The following NKIRAS1 variants were observed in gnomAD, a reference collection of about 807,000 sequenced individuals.
NKIRAS1 encodes NFKB inhibitor interacting Ras like 1.
NKIRAS1 carries 16 observed loss-of-function variants against 19.8 expected under a neutral mutation model. The ratio of observed to expected loss-of-function variants is 0.81; its 90% CI spans 0.55 to 1.23. The LOEUF (loss-of-function observed/expected upper bound fraction) is 1.23, where lower values mean the gene tolerates loss of function less well. Among genes scored for constraint, NKIRAS1 ranks in the 50% most tolerant of loss-of-function variants. The pLI is 0.00. For synonymous variants in NKIRAS1, 88 were observed against 79.0 expected (o/e 1.11, Z -0.61); for missense variants, 184 against 220.0 (o/e 0.84, Z 1.04).
chr3:23,928,948 G>A (rs1487324821), intron 1 of NKIRAS1, among the ~76,000 whole-genome samples: 1 of 150,474 alleles, frequency 6.6e-6, no homozygotes, highest in Non-Finnish European at 1.5e-5. Flanking sequence ...AGTGAACCGA[G>A]ATCGTGCCAC....
At position 23,907,391 on chromosome 3, in the gene NKIRAS1, C is replaced by T. The variant is rs112100474; in HGVS notation, c.94+3420G>A. 2.3e-3 allele frequency among the ~76,000 whole-genome samples: 356 copies of T among 151,874 alleles called. 1 individual carries two copies. Among genetic ancestry groups the T allele is most frequent in the African/African-American group, 7.7e-3 (318 of 41,398 alleles). Reference sequence around the variant, plus strand: ...ATTTGGTTGTCAACTGATGGGGGGGCGGTGTTGGCACCCCTAACCCGTGCA... The same window carrying T: ...ATTTGGTTGTCAACTGATGGGGGGGTGGTGTTGGCACCCCTAACCCGTGCA... On this transcript the variant is annotated intron_variant, in intron 3 of 4. Transcript: ENST00000425478.
rs1191986717 is a variant in NKIRAS1 at position 23,891,970 on chromosome 3, A to C, written c.*1125T>G. The C allele has an allele frequency of 5.3e-5, 8 of 152,208 alleles. No homozygotes were observed. The highest frequency in any genetic ancestry group is 5.2e-4 in the Admixed American group (8 of 15,274). 9.4% of individuals were successfully genotyped at this position (152,208 alleles called of 1,614,324 possible). A position where few individuals can be genotyped will look rare whatever the true frequency, so the allele number is the denominator to read the frequency against. On this transcript the variant is annotated 3_prime_UTR_variant, in exon 5 of 5. Coordinates refer to ENST00000425478, the MANE Select transcript of NKIRAS1 (RefSeq NM_020345.4). Reference sequence around the variant, plus strand: ...ATGAATTTATGATGAGAAATTTTGAAGAATTATACTGTAGCAGCAATAGCT... The same window carrying C: ...ATGAATTTATGATGAGAAATTTTGACGAATTATACTGTAGCAGCAATAGCT...
intron 1 of NKIRAS1, among the ~76,000 whole-genome samples, chr3:23,925,379 A>C (rs1359291619): frequency 6.6e-6 from 1 of 152,184 alleles, no homozygotes; most frequent in Non-Finnish European, 1.5e-5. Context: ...CACACCTGTA[A>C]TCCTAGCACA....
Position 23,922,278 on chromosome 3 carries a change from G to C in NKIRAS1, c.-139-10828C>G, listed in dbSNP as rs1381832262. ...CAATTGGTTTCTTACAATCCCAAAA[G>C]GTGCAGTTACTAGTATTAATCCTTT... On this transcript the variant is annotated intron_variant, in intron 1 of 4. Transcript: ENST00000421515. This position sits in a 1 kb window ranked among gnomAD's most constrained non-coding sequence, Gnocchi z 4.2. 1 of 152,232 alleles carries C rather than the reference G, an allele frequency of 6.6e-6. No individual in the cohort carries two copies. The highest frequency in any genetic ancestry group is 1.5e-5 in the Non-Finnish European group (1 of 68,056). 9.4% of individuals were successfully genotyped at this position (152,232 alleles called of 1,614,324 possible). A position where few individuals can be genotyped will look rare whatever the true frequency, so the allele number is the denominator to read the frequency against.
At chr3:23,932,382 C>T (rs780463244) in intron 1 of NKIRAS1, among the ~76,000 whole-genome samples, 3 of 152,128 alleles carry the variant, frequency 2.0e-5, no homozygotes, top group African/African-American at 2.4e-5. Context: ...AAATTAATCT[C>T]GCATAAGGAC....
At chr3:23,913,309 T>C (rs1703969258) in intron 1 of NKIRAS1, among the ~76,000 whole-genome samples, 2 of 152,144 alleles carry the variant, frequency 1.3e-5, no homozygotes, top group Admixed American at 1.3e-4. Flanking sequence ...ATTTTAAGCA[T>C]TTTTTGGAAG....
chr3:23,890,343 T>C lies in NKIRAS1; in HGVS notation c.*2752A>G, dbSNP rs1441812847. Among the ~76,000 whole-genome samples, 1 of 152,228 alleles carries C rather than the reference T, an allele frequency of 6.6e-6. No individual in the cohort carries two copies. Among genetic ancestry groups the C allele is most frequent in the African/African-American group, 2.4e-5 (1 of 41,458 alleles). ...TCCCTCTTCCCCCAACGTTATGTTTTTTTGAAATTTTGATGGAAAAATATC... is the reference window on the plus strand; with the variant it reads ...TCCCTCTTCCCCCAACGTTATGTTTCTTTGAAATTTTGATGGAAAAATATC... On this transcript the variant is annotated 3_prime_UTR_variant, in exon 5 of 5. Coordinates refer to ENST00000425478, the MANE Select transcript of NKIRAS1 (RefSeq NM_020345.4).
chr3:23,895,902 A>G (rs911889812), intron 4 of NKIRAS1, among the ~76,000 whole-genome samples: 1 of 152,014 alleles, frequency 6.6e-6, no homozygotes, highest in African/African-American at 2.4e-5. Context: ...TGGGAGGTGG[A>G]GGTGGGTGGA....
intron 3 of NKIRAS1, 85 bp from the exon 4 acceptor site, chr3:23,901,134 C>G: frequency 7.2e-7 from 1 of 1,386,970 alleles, no homozygotes; most frequent in South Asian, 1.4e-5. Flanking sequence ...AATTGGCTTT[C>G]TAGGTTTCTT....
chr3:23,941,102 A>G (rs1705488169), intron 1 of NKIRAS1, among the ~76,000 whole-genome samples: 2 of 152,244 alleles, frequency 1.3e-5, no homozygotes, highest in African/African-American at 4.8e-5. Flanking sequence ...GGCATAGAAA[A>G]GGCAATTTAA....
chr3:23,933,735 T>A (rs1705352305), intron 1 of NKIRAS1, among the ~76,000 whole-genome samples: 1 of 152,170 alleles, frequency 6.6e-6, no homozygotes, highest in African/African-American at 2.4e-5. Context: ...TTTTGAGGGA[T>A]GTCTTAGTCA....
Position 23,891,390 on chromosome 3 carries a change from G to A in NKIRAS1, c.*1705C>T, listed in dbSNP as rs977808478. ...ATTCTTCTGAAATCGATAGGTATCT[G>A]CTTCTAAAACAAGCTAAAAATAATG... is the stretch of plus-strand genomic sequence containing the variant. On this transcript the variant is annotated 3_prime_UTR_variant, in exon 5 of 5. Transcript: ENST00000425478. 2.0e-5 allele frequency: 3 copies of A among 152,148 alleles called. No individual in the cohort carries two copies. The highest frequency in any genetic ancestry group is 7.2e-5 in the African/African-American group (3 of 41,436). 9.4% of individuals were successfully genotyped at this position (152,148 alleles called of 1,614,324 possible).
chr3:23,945,512 G>GGCT (rs1263370000), intron 1 of NKIRAS1: 1 of 913,050 alleles, frequency 1.1e-6, no homozygotes, highest in Non-Finnish European at 1.3e-6. Context: ...GCGGCGCTGA[G>GGCT]GCGGCGGCGG....
rs535153701 is a variant in NKIRAS1, at chr3:23,932,215, G to A, written c.-140+14108C>T. 1.6e-3 allele frequency among the ~76,000 whole-genome samples: 250 copies of A among 152,222 alleles called. 1 individual carries two copies. The highest frequency in any genetic ancestry group is 6.0e-3 in the African/African-American group (248 of 41,522). On this transcript the variant is annotated intron_variant, in intron 1 of 4. Coordinates refer to the NKIRAS1 transcript ENST00000421515. ...GGAGGCAACCTTTAAACATCTGTGA[G>A]AGTGCCTAGAAAACAGGGCTCAATT...
intron 1 of NKIRAS1, 132 bp downstream of exon 1, chr3:23,916,652 G>GA (rs1192463913): frequency 6.6e-6 from 1 of 152,568 alleles, no homozygotes; most frequent in Non-Finnish European, 1.5e-5. Context: ...AGCGTCGGGG[G>GA]ATCTCTCAGC....
chr3:23,920,003 G>A (rs974941036), upstream of NKIRAS1: 3 of 986,720 alleles, frequency 3.0e-6, no homozygotes, highest in African/African-American at 3.5e-5. Flanking sequence ...TCACATAAAA[G>A]GTGAAAGCTC....
chr3:23,940,670 A>C (rs945706948), intron 1 of NKIRAS1, among the ~76,000 whole-genome samples: 1 of 152,136 alleles, frequency 6.6e-6, no homozygotes, highest in East Asian at 1.9e-4. Context: ...ATCATAATAT[A>C]ATTTTTATTA....
rs1228807782 is a variant in NKIRAS1 at position 23,893,049 on chromosome 3, T to TA, written c.*45dup. The stretch of plus-strand genomic sequence containing the variant: ...ATATTACTCCATGTTCACAGACACT[T>TA]AAAGGCAATCACTATTCAACATACA... On this transcript the variant is annotated 3_prime_UTR_variant, in exon 5 of 5. Transcript: ENST00000425478. The TA allele has an allele frequency of 8.6e-6, 13 of 1,506,486 alleles. No homozygotes were observed. The highest frequency in any genetic ancestry group is 1.4e-5 in the African/African-American group (1 of 71,248). 93.3% of individuals were successfully genotyped at this position (1,506,486 alleles called of 1,614,324 possible).
intron 4 of NKIRAS1, among the ~76,000 whole-genome samples, chr3:23,897,553 C>G (rs191338789): frequency 1.5e-4 from 23 of 152,284 alleles, no homozygotes; most frequent in African/African-American, 5.3e-4. Flanking sequence ...GCAAAGTGCC[C>G]CCATCACCTA....
Sources: gnomAD v4.1 joint callset for allele counts (sites outside exome capture counted in the v4.1 genomes callset) on GRCh38, gnomAD v4.1.1 for gene constraint, Gnocchi (gnomAD v3.1) non-coding constraint, MANE v1.5 for transcripts, NCBI Gene and HGNC (gene_info 2026-07-23, HGNC 2026-07-21) for gene names.